The following NETO1 variants were observed in gnomAD, a reference collection of about 807,000 sequenced individuals.
NETO1 encodes the protein neuropilin and tolloid-like protein 1.
In NETO1, 26 loss-of-function variants were observed where a neutral mutation model predicts 61.3. The ratio of observed to expected loss-of-function variants is 0.42; its 90% CI spans 0.31 to 0.59. The LOEUF is 0.59. NETO1 is among the 20% of genes least tolerant of loss of function. The pLI is 0.12. For synonymous variants in NETO1, 225 were observed against 225.8 expected (o/e 1.00, Z 0.03); for missense variants, 531 against 662.8 (o/e 0.80, Z 2.18).
At chr18:72,742,680 T>C (rs2070361847), downstream of NETO1, 1 of 152,206 alleles carries the variant, frequency 6.6e-6, no homozygotes. Flanking sequence ...TTGGTTGATC[T>C]TGTGGTTGGT....
intron 4 of NETO1, among the ~76,000 whole-genome samples, chr18:72,826,724 C>T (rs2073385489): frequency 6.6e-6 from 1 of 152,160 alleles, no homozygotes; most frequent in South Asian, 2.1e-4. Context: ...AACACACAGG[C>T]ATGAAGAGAC....
intron 4 of NETO1, among the ~76,000 whole-genome samples, chr18:72,841,339 A>G (rs1471628176): frequency 6.6e-6 from 1 of 152,140 alleles, no homozygotes. Flanking sequence ...GAAGCTGCAC[A>G]GGATCCTTTC....
chr18:72,781,525 T>C (rs12326854), intron 7 of NETO1, among the ~76,000 whole-genome samples: 50,762 of 152,050 alleles, frequency 0.33, 8,735 homozygotes, highest in Admixed American at 0.46. Context: ...TGTTTTAATC[T>C]GACATAAAGC....
intron 6 of NETO1, among the ~76,000 whole-genome samples, chr18:72,784,920 C>T (rs150299671): frequency 1.0e-3 from 156 of 152,156 alleles, no homozygotes; most frequent in African/African-American, 3.6e-3. Flanking sequence ...GGGCCAGTGC[C>T]GAAAATGTAT....
At chr18:72,831,231 G>A (rs2073567486) in intron 4 of NETO1, among the ~76,000 whole-genome samples, 1 of 152,072 alleles carries the variant, frequency 6.6e-6, no homozygotes, top group Non-Finnish European at 1.5e-5. Flanking sequence ...CCATACCAGT[G>A]ACTAACACAT....
intron 4 of NETO1, among the ~76,000 whole-genome samples, chr18:72,829,286 C>G (rs964965546): frequency 6.6e-6 from 1 of 152,126 alleles, no homozygotes; most frequent in South Asian, 2.1e-4. Flanking sequence ...TCTCAAAACA[C>G]TAAAAATGCA....
At chr18:72,838,053 A>G (rs969300969) in intron 4 of NETO1, among the ~76,000 whole-genome samples, 2 of 151,738 alleles carry the variant, frequency 1.3e-5, no homozygotes, top group Non-Finnish European at 1.5e-5. Flanking sequence ...CACACAAAAC[A>G]TTCTCCGTCC....
At chr18:72,786,159 A>T (rs1046494404) in intron 6 of NETO1, among the ~76,000 whole-genome samples, 2 of 152,200 alleles carry the variant, frequency 1.3e-5, no homozygotes, top group African/African-American at 4.8e-5. Flanking sequence ...CCTATATGAC[A>T]GACATTTAAG....
intron 7 of NETO1, among the ~76,000 whole-genome samples, chr18:72,776,063 A>G (rs1599148455): frequency 6.6e-6 from 1 of 152,168 alleles, no homozygotes; most frequent in South Asian, 2.1e-4. Context: ...AAAAATAAAA[A>G]AAGACGTATG....
At chr18:72,782,461 CT>C (rs1340183582) in intron 7 of NETO1, among the ~76,000 whole-genome samples, 1 of 152,096 alleles carries the variant, frequency 6.6e-6, no homozygotes, top group African/African-American at 2.4e-5. Flanking sequence ...TAAGTGTTCC[CT>C]TTTTTCCCAC....
At chr18:72,750,795 G>A (rs1384139378) in intron 8 of NETO1, among the ~76,000 whole-genome samples, 175 bp from the exon 9 acceptor site, 1 of 148,354 alleles carries the variant, frequency 6.7e-6, no homozygotes, top group Non-Finnish European at 1.5e-5. Flanking sequence ...ACAAGGTCTC[G>A]TTTTTCACCA....
chr18:72,757,331 A>G (rs761516709), intron 7 of NETO1, among the ~76,000 whole-genome samples: 9 of 152,140 alleles, frequency 5.9e-5, no homozygotes, highest in Non-Finnish European at 1.0e-4. Context: ...ACAACTGTCA[A>G]AACAATACTT....
At chr18:72,800,562 ATT>A (rs1478937937) in intron 4 of NETO1, among the ~76,000 whole-genome samples, 1 of 152,186 alleles carries the variant, frequency 6.6e-6, no homozygotes, top group African/African-American at 2.4e-5. Context: ...GAGTTGTATA[ATT>A]ATCTCATTAT....
chr18:72,794,460 AG>A (rs2072243983), intron 4 of NETO1, 56 bp from the exon 5 acceptor site: 2 of 1,515,484 alleles, frequency 1.3e-6, no homozygotes, highest in African/African-American at 2.8e-5. Context: ...ACTTACAGTG[AG>A]TTTAAGTTAT....
chr18:72,819,809 AT>A (rs2073137441), intron 4 of NETO1, among the ~76,000 whole-genome samples: 1 of 152,154 alleles, frequency 6.6e-6, no homozygotes, highest in Non-Finnish European at 1.5e-5. Context: ...AAGTGAAAAA[AT>A]ATATACTTTT....
intron 4 of NETO1, among the ~76,000 whole-genome samples, chr18:72,803,509 C>A (rs11877336): frequency 0.35 from 53,044 of 151,954 alleles, 9,972 homozygotes; most frequent in East Asian, 0.52. Context: ...AATAATCACC[C>A]CTCCCTGAAA....
At chr18:72,827,092 T>TTTTC (rs1555694439) in intron 4 of NETO1, among the ~76,000 whole-genome samples, 2 of 150,212 alleles carry the variant, frequency 1.3e-5, no homozygotes, top group Non-Finnish European at 3.0e-5. Context: ...AATGCTTTCT[T>TTTTC]TTTTTTTTTT....
chr18:72,865,335 G>T, intron 1 of NETO1, 94 bp from the exon 2 acceptor site: 1 of 1,239,810 alleles, frequency 8.1e-7, no homozygotes, highest in Non-Finnish European at 1.1e-6. Flanking sequence ...TAATATCAAA[G>T]CAGATTAATT....
At position 72,746,607 on chromosome 18, in the gene NETO1, T is replaced by C. The variant is rs1312952815; in HGVS notation, c.*1572A>G. ...TGCTTATTTTTTAACATATATGACATTGTATTCCTAGTAGGGAAGTATAAC... is the reference window on the plus strand; with the variant it reads ...TGCTTATTTTTTAACATATATGACACTGTATTCCTAGTAGGGAAGTATAAC... On this transcript the variant is annotated 3_prime_UTR_variant, in exon 11 of 11. Coordinates refer to ENST00000327305, the MANE Select transcript of NETO1 (RefSeq NM_138966.5). Among the ~76,000 whole-genome samples the C allele has an allele frequency of 1.3e-5, 2 of 151,958 alleles. No homozygotes were observed. Among genetic ancestry groups the C allele is most frequent in the Non-Finnish European group, 2.9e-5 (2 of 67,936 alleles).
Sources: allele counts gnomAD v4.1 joint callset (sites outside exome capture counted in the v4.1 genomes callset), GRCh38; gene constraint gnomAD v4.1.1; transcripts MANE v1.5; gene names NCBI Gene and HGNC (gene_info 2026-07-23, HGNC 2026-07-21).